Variants in GFRA1 observed in about 807,000 individuals in gnomAD.
GFRA1 encodes GDNF family receptor alpha-1.
A neutral mutation model predicts 51.6 loss-of-function variants in GFRA1; 16 were observed. That is an observed-to-expected ratio of 0.31 (90% CI 0.21 to 0.47). The LOEUF (loss-of-function observed/expected upper bound fraction) is 0.47, where lower values mean the gene tolerates loss of function less well. Among genes scored for constraint, GFRA1 ranks in the 20% least tolerant of loss-of-function variants. The probability of loss-of-function intolerance (pLI) is 1.00; values close to 1 mark genes in which losing one functional copy is unlikely to be tolerated. For missense variants in GFRA1, 530 were observed against 594.3 expected, an observed-to-expected ratio of 0.89 and a Z score of 1.13; for synonymous variants, 270 against 241.3, an observed-to-expected ratio of 1.12 and a Z score of -1.10.
chr10:116,251,959 G>C (rs529452242), intron 4 of GFRA1, among the ~76,000 whole-genome samples: 5 of 103,002 alleles, frequency 4.9e-5, no homozygotes, highest in Admixed American at 1.3e-4. Flanking sequence ...ACAACAATAG[G>C]CCTCTTTTTT....
At chr10:116,236,422 C>T (rs891574754) in intron 4 of GFRA1, among the ~76,000 whole-genome samples, 1 of 151,996 alleles carries the variant, frequency 6.6e-6, no homozygotes, top group Non-Finnish European at 1.5e-5. Flanking sequence ...CAGAAAAGTT[C>T]TATATTTATA....
chr10:116,176,608 T>C lies in GFRA1; in HGVS notation c.433+35023A>G, dbSNP rs143047285. On this transcript the variant is annotated intron_variant, in intron 5 of 10. Transcript: ENST00000355422. The stretch of plus-strand genomic sequence containing the variant: ...CCTATGCCTAGCACCATGCTTCCTG[T>C]ACAGCCCCCAGAACCATGTAAATAT... 3.9e-5 allele frequency among the ~76,000 whole-genome samples: 6 copies of C among 152,296 alleles called. No individual in the cohort carries two copies. The South Asian group carries it at 6.2e-4, about 16-fold the overall frequency.
At chr10:116,146,738 C>T (rs1958816264) in intron 5 of GFRA1, among the ~76,000 whole-genome samples, 1 of 152,222 alleles carries the variant, frequency 6.6e-6, no homozygotes, top group Non-Finnish European at 1.5e-5. Flanking sequence ...CAGATGCTCA[C>T]ATATCTGAGA....
At chr10:116,148,056 ATGTGTGCATGCGTGTGTGCATGTGTG>A (rs201210953) in intron 5 of GFRA1, among the ~76,000 whole-genome samples, 9 of 136,404 alleles carry the variant, frequency 6.6e-5, no homozygotes, top group South Asian at 2.5e-4. Flanking sequence ...GTGTGCATGC[ATGTGTGCATGCGTGTGTGCATGTGTG>A]TGTGTGCATG....
chr10:116,265,234 C>T lies in GFRA1; in HGVS notation c.418+4269G>A, dbSNP rs566684775. On this transcript the variant is annotated intron_variant, in intron 4 of 10. Coordinates refer to ENST00000355422, the MANE Select transcript of GFRA1 (RefSeq NM_005264.8). Reference sequence around the variant, plus strand: ...TAGCACTTGGTAGGAAAATGATGAGCGCCAGAAGCTGGGACTTTTCCTTCC... The same window carrying T: ...TAGCACTTGGTAGGAAAATGATGAGTGCCAGAAGCTGGGACTTTTCCTTCC... 7.4e-4 allele frequency among the ~76,000 whole-genome samples: 112 copies of T among 152,250 alleles called. 1 individual carries two copies. Among genetic ancestry groups the T allele is most frequent in the Non-Finnish European group, 1.3e-3 (90 of 68,014 alleles).
intron 5 of GFRA1, among the ~76,000 whole-genome samples, chr10:116,200,253 T>C (rs1483938773): frequency 6.6e-6 from 1 of 152,234 alleles, no homozygotes; most frequent in Admixed American, 6.5e-5. Flanking sequence ...ATTATGGCAC[T>C]GTCTATCTTG....
chr10:116,251,963 CTTTTTTTTTTTT>C (rs3032041), intron 4 of GFRA1, among the ~76,000 whole-genome samples: 2 of 79,802 alleles, frequency 2.5e-5, no homozygotes, highest in African/African-American at 9.2e-5. Flanking sequence ...CAATAGGCCT[CTTTTTTTTTTTT>C]TTTTTTTTTT....
chr10:116,088,232 G>A (rs1956177202), intron 9 of GFRA1, among the ~76,000 whole-genome samples: 1 of 152,144 alleles, frequency 6.6e-6, no homozygotes, highest in African/African-American at 2.4e-5. Context: ...TGGGTTGTGG[G>A]TCAAGCTAGT....
rs185665272 is a variant in GFRA1 at position 116,230,071 on chromosome 10, G to A, written c.419-18426C>T. On this transcript the variant is annotated intron_variant, in intron 4 of 10. Coordinates refer to ENST00000355422, the MANE Select transcript of GFRA1 (RefSeq NM_005264.8). ...TTTACCATAGCATCCATCCAAGAGC[G>A]TAATCACCCACCCATTTGACCACTT... Among the ~76,000 whole-genome samples, 11 of 152,208 alleles carry A rather than the reference G, an allele frequency of 7.2e-5. No individual in the cohort carries two copies. The East Asian group carries it at 9.7e-4, about 13-fold the overall frequency.
chr10:116,179,280 C>T (rs968782393), intron 5 of GFRA1, among the ~76,000 whole-genome samples: 7 of 152,316 alleles, frequency 4.6e-5, no homozygotes, highest in Middle Eastern at 3.4e-3. Flanking sequence ...TAAGTACTTT[C>T]ATCACTATTT....
intron 9 of GFRA1, among the ~76,000 whole-genome samples, chr10:116,069,494 C>T (rs1329640516): frequency 3.3e-5 from 5 of 152,116 alleles, no homozygotes; most frequent in South Asian, 4.1e-4. Flanking sequence ...TTTTTAGGCA[C>T]GTAAAGCTTT....
chr10:116,110,840 A>G (rs1479925878), intron 6 of GFRA1, among the ~76,000 whole-genome samples: 1 of 152,102 alleles, frequency 6.6e-6, no homozygotes. Flanking sequence ...ACCTCCTACC[A>G]CCTGCATCTA....
At chr10:116,178,084 T>C (rs2134257772) in intron 5 of GFRA1, among the ~76,000 whole-genome samples, 1 of 152,368 alleles carries the variant, frequency 6.6e-6, no homozygotes, top group East Asian at 1.9e-4. Context: ...ATGTATAAAA[T>C]GCACACTTTG....
At chr10:116,216,831 G>C (rs775933081) in intron 4 of GFRA1, among the ~76,000 whole-genome samples, 6 of 152,116 alleles carry the variant, frequency 3.9e-5, no homozygotes, top group Non-Finnish European at 7.4e-5. Context: ...ACTAACCAGG[G>C]ACAAGGAAGG....
chr10:116,201,176 CAG>C (rs1422916251), intron 5 of GFRA1, among the ~76,000 whole-genome samples: 1 of 151,978 alleles, frequency 6.6e-6, no homozygotes, highest in Non-Finnish European at 1.5e-5. Context: ...TCCATCCACT[CAG>C]GGGTATAATA....
chr10:116,268,929 C>G (rs1490005580), intron 4 of GFRA1, among the ~76,000 whole-genome samples: 1 of 152,084 alleles, frequency 6.6e-6, no homozygotes, highest in Non-Finnish European at 1.5e-5. Flanking sequence ...TTTAAAAGGG[C>G]CATTGGGGCA....
At chr10:116,213,926 T>C (rs909512070) in intron 4 of GFRA1, among the ~76,000 whole-genome samples, 1 of 152,188 alleles carries the variant, frequency 6.6e-6, no homozygotes, top group Non-Finnish European at 1.5e-5. Context: ...CCAACTGGGA[T>C]GTAAATGGGT....
At chr10:116,142,727 A>G (rs73370409) in intron 5 of GFRA1, among the ~76,000 whole-genome samples, 2,108 of 152,350 alleles carry the variant, frequency 0.014, 42 homozygotes, top group African/African-American at 0.048. Context: ...ATAATGTTTC[A>G]GTATTAATAT....
At chr10:116,182,851 AT>A (rs1311691756) in intron 5 of GFRA1, among the ~76,000 whole-genome samples, 1 of 152,182 alleles carries the variant, frequency 6.6e-6, no homozygotes, top group Non-Finnish European at 1.5e-5. Flanking sequence ...AAACAATGAC[AT>A]CCCCTTCAAG....
Sources: gnomAD v4.1 joint callset for allele counts (sites outside exome capture counted in the v4.1 genomes callset) on GRCh38, gnomAD v4.1.1 for gene constraint, MANE v1.5 for transcripts, NCBI Gene and HGNC (gene_info 2026-07-23, HGNC 2026-07-21) for gene names.